DPYD: variants seen among roughly 807,000 people sequenced by gnomAD.
The protein encoded by DPYD is dihydropyrimidine dehydrogenase [NADP(+)].
DPYD carries 109 observed loss-of-function variants against 116.2 expected under a neutral mutation model. That is an observed-to-expected ratio of 0.94 (90% CI 0.80 to 1.10). The LOEUF (loss-of-function observed/expected upper bound fraction) is 1.10, where lower values mean the gene tolerates loss of function less well. DPYD is among the 50% of genes least tolerant of loss of function. The pLI is 0.00. For missense variants in DPYD, 1,302 were observed against 1,254.5 expected (o/e 1.04, Z -0.57); for synonymous variants, 440 against 432.0 (o/e 1.02, Z -0.23).
At chr1:97,357,426 C>G (rs572731568) in intron 16 of DPYD, among the ~76,000 whole-genome samples, 2 of 150,990 alleles carry the variant, frequency 1.3e-5, no homozygotes, top group African/African-American at 4.9e-5. Flanking sequence ...TGTTAGTAAA[C>G]AGCAACAATT....
At chr1:97,529,722 TTTC>T (rs575978513) in intron 12 of DPYD, among the ~76,000 whole-genome samples, 245 of 150,470 alleles carry the variant, frequency 1.6e-3, no homozygotes, top group Non-Finnish European at 2.9e-3. Context: ...CTTCCTTTCT[TTTC>T]TTTCCTTTCT....
chr1:97,549,201 G>A (rs905928816), intron 12 of DPYD, among the ~76,000 whole-genome samples: 14 of 152,010 alleles, frequency 9.2e-5, no homozygotes, highest in African/African-American at 2.7e-4. Context: ...CAAGAAGCTC[G>A]TACCACAGGC....
chr1:97,469,226 G>A lies in DPYD; in HGVS notation c.1741-19003C>T, dbSNP rs531421473. Among the ~76,000 whole-genome samples the A allele has an allele frequency of 2.3e-4, 35 of 151,754 alleles. No homozygotes were observed. In the South Asian group the frequency reaches 7.3e-3, roughly 32 times the overall value. ...ATAATTATTTTCAAATTTAGGTGAG[G>A]GTTACACAAACATCATAGGTCTCCA... On this transcript the variant is annotated intron_variant, in intron 13 of 22. Coordinates refer to ENST00000370192, the MANE Select transcript of DPYD (RefSeq NM_000110.4).
chr1:97,108,686 T>A (rs1651360676), intron 20 of DPYD, among the ~76,000 whole-genome samples: 1 of 152,124 alleles, frequency 6.6e-6, no homozygotes, highest in African/African-American at 2.4e-5. Flanking sequence ...CTAAAAATAT[T>A]TTTTTAATGA....
chr1:97,557,507 G>A (rs1156886748), intron 11 of DPYD, among the ~76,000 whole-genome samples: 1 of 151,644 alleles, frequency 6.6e-6, no homozygotes, highest in Non-Finnish European at 1.5e-5. Flanking sequence ...GTAGGGATGG[G>A]GTTTCAGCAG....
chr1:97,144,722 C>T (rs1654485446), intron 20 of DPYD, among the ~76,000 whole-genome samples: 4 of 152,308 alleles, frequency 2.6e-5, no homozygotes, highest in Middle Eastern at 6.8e-3. Flanking sequence ...TTCAGAGTCA[C>T]ATGCTGTGCT....
chr1:97,675,751 CT>C lies in DPYD; in HGVS notation c.850+3343del, dbSNP rs771245189. Among the ~76,000 whole-genome samples, 1,162 of 142,096 alleles carry C rather than the reference CT, an allele frequency of 8.2e-3. 3 individuals carry two copies. The highest frequency in any genetic ancestry group is 0.022 in the African/African-American group (870 of 38,852). 93.2% of individuals were successfully genotyped at this position (142,096 alleles called of 152,430 possible). A position where few individuals can be genotyped will look rare whatever the true frequency, so the allele number is the denominator to read the frequency against. On this transcript the variant is annotated intron_variant, in intron 8 of 22. Transcript: ENST00000370192. ...CCAACTACAGAAAGAGAAAGTATCT[CT>C]TTTTTTTTTTTTTTGTAGACGGAGT... is the stretch of plus-strand genomic sequence containing the variant.
intron 13 of DPYD, among the ~76,000 whole-genome samples, chr1:97,496,981 T>C (rs1452204381): frequency 6.6e-6 from 1 of 152,018 alleles, no homozygotes; most frequent in East Asian, 1.9e-4. Context: ...TTTGAACAAA[T>C]CTTTTGATTA....
intron 5 of DPYD, chr1:97,720,594 A>G (rs1662867970): frequency 8.9e-7 from 1 of 1,121,388 alleles, no homozygotes; most frequent in Middle Eastern, 3.8e-4. Context: ...ACCCTGATTT[A>G]TTACTAAGAG....
At chr1:97,679,277 A>G in intron 7 of DPYD, 95 bp from the exon 8 acceptor site, 1 of 635,586 alleles carries the variant, frequency 1.6e-6, no homozygotes, top group Non-Finnish European at 2.8e-6. Flanking sequence ...TCAGCCAAAA[A>G]TTCTATGAGA....
chr1:97,200,041 T>C (rs955988222), intron 19 of DPYD, among the ~76,000 whole-genome samples: 1 of 152,146 alleles, frequency 6.6e-6, no homozygotes, highest in African/African-American at 2.4e-5. Context: ...CCCAGGTAAA[T>C]AATTTGGCAG....
At chr1:97,203,863 A>G (rs879336453) in intron 19 of DPYD, among the ~76,000 whole-genome samples, 5 of 151,428 alleles carry the variant, frequency 3.3e-5, no homozygotes, top group Non-Finnish European at 5.9e-5. Context: ...CATGAAAATA[A>G]CATCTCAAAT....
At chr1:97,713,054 A>C (rs1662383620) in intron 5 of DPYD, among the ~76,000 whole-genome samples, 1 of 151,942 alleles carries the variant, frequency 6.6e-6, no homozygotes. Flanking sequence ...TTCACCTCTT[A>C]ATTTTTTTTC....
intron 13 of DPYD, chr1:97,514,155 T>C (rs1648028717): frequency 1.0e-6 from 1 of 967,766 alleles, no homozygotes; most frequent in Non-Finnish European, 1.2e-6. Context: ...AAATTGGAGG[T>C]TTAGAAGGAA....
At chr1:97,747,557 G>A (rs899164262) in intron 3 of DPYD, among the ~76,000 whole-genome samples, 2 of 152,116 alleles carry the variant, frequency 1.3e-5, no homozygotes. Flanking sequence ...GGAAAATAGT[G>A]ATAAGCCATG....
intron 1 of DPYD, among the ~76,000 whole-genome samples, chr1:97,914,938 C>T (rs1674142101): frequency 6.6e-6 from 1 of 152,104 alleles, no homozygotes; most frequent in Non-Finnish European, 1.5e-5. Flanking sequence ...TAACAGACTT[C>T]AATACCACTA....
intron 20 of DPYD, among the ~76,000 whole-genome samples, chr1:97,175,799 A>G (rs188607600): frequency 6.6e-6 from 1 of 152,166 alleles, no homozygotes; most frequent in Non-Finnish European, 1.5e-5. Flanking sequence ...TAATTGATTC[A>G]AAAGTGGGAA....
intron 3 of DPYD, among the ~76,000 whole-genome samples, chr1:97,742,079 GAAAT>G (rs1664299533): frequency 6.6e-6 from 1 of 152,062 alleles, no homozygotes; most frequent in Non-Finnish European, 1.5e-5. Context: ...GGAGTAGAAA[GAAAT>G]GAATGTGGAG....
At chr1:97,844,568 A>G (rs7514826) in intron 2 of DPYD, among the ~76,000 whole-genome samples, 1 of 152,226 alleles carries the variant, frequency 6.6e-6, no homozygotes, top group Non-Finnish European at 1.5e-5. Flanking sequence ...GGTGCTGGTG[A>G]TAACAGCGGT....
Sources: gnomAD v4.1 joint callset for allele counts (sites outside exome capture counted in the v4.1 genomes callset) on GRCh38, gnomAD v4.1.1 for gene constraint, MANE v1.5 for transcripts, NCBI Gene and HGNC (gene_info 2026-07-23, HGNC 2026-07-21) for gene names.